MVD: variants seen among roughly 807,000 people sequenced by gnomAD.
MVD encodes diphosphomevalonate decarboxylase.
MVD carries 52 observed loss-of-function variants against 42.4 expected under a neutral mutation model. That is an observed-to-expected ratio of 1.23 (90% CI 0.98 to 1.55). The LOEUF is 1.55. Among genes scored for constraint, MVD ranks in the 40% most tolerant of loss-of-function variants. The pLI is 0.00. For missense variants in MVD, 663 were observed against 572.1 expected, an observed-to-expected ratio of 1.16 and a Z score of -1.62; for synonymous variants, 287 against 243.2, an observed-to-expected ratio of 1.18 and a Z score of -1.68.
intron 7 of MVD, 164 bp from the exon 8 acceptor site, chr16:88,654,971 G>T: frequency 1.2e-6 from 1 of 844,346 alleles, no homozygotes; most frequent in Non-Finnish European, 1.8e-6. Flanking sequence ...TACTTGACAC[G>T]TCTGCCTGTG....
At chr16:88,657,406 G>T in intron 4 of MVD, 30 bp downstream of exon 4, 4 of 1,568,602 alleles carry the variant, frequency 2.6e-6, no homozygotes, top group Non-Finnish European at 3.5e-6. Flanking sequence ...CCACAGCCCA[G>T]AACCCCTGCG....
rs200465113 is a variant in MVD at position 88,656,088 on chromosome 16, C to T, written c.603+17G>A. 125 of 1,567,454 alleles carry T rather than the reference C, an allele frequency of 8.0e-5. No homozygotes were observed. In the East Asian group the frequency reaches 2.3e-3, roughly 29 times the overall value. On this transcript the variant is annotated intron_variant, in intron 5 of 9. Coordinates refer to ENST00000301012, the MANE Select transcript of MVD (RefSeq NM_002461.3). ...GAGGCCACCGGGCTGCTGCTCCACCCGCCCCACCCCACTCACCACAAGGAT... is the reference window on the plus strand; with the variant it reads ...GAGGCCACCGGGCTGCTGCTCCACCTGCCCCACCCCACTCACCACAAGGAT...
At chr16:88,655,851 C>T in intron 5 of MVD, 121 bp from the exon 6 acceptor site, 2 of 1,255,980 alleles carry the variant, frequency 1.6e-6, no homozygotes, top group Non-Finnish European at 2.2e-6. Context: ...GTCAGTGCCA[C>T]CTGCCTGACC....
At chr16:88,662,718 T>A in intron 1 of MVD, 1 of 1,427,954 alleles carries the variant, frequency 7.0e-7, no homozygotes, top group South Asian at 1.3e-5. Flanking sequence ...TTACGATTCA[T>A]GGGAATCGAT....
chr16:88,662,957 G>A, intron 1 of MVD, 54 bp downstream of exon 1: 12 of 1,563,290 alleles, frequency 7.7e-6, no homozygotes, highest in Non-Finnish European at 1.0e-5. Context: ...CGACCCCCGC[G>A]TACCCGGCCT....
rs1000667256 is a variant in MVD at position 88,652,372 on chromosome 16, A to T, written c.*153T>A. 5 of 803,878 alleles carry T rather than the reference A, an allele frequency of 6.2e-6. No homozygotes were observed. Among genetic ancestry groups the T allele is most frequent in the Non-Finnish European group, 1.0e-5 (5 of 484,888 alleles). The allele number at this position is 803,878 out of a possible 1,614,324, so 49.8% of individuals were successfully genotyped here. A position where few individuals can be genotyped will look rare whatever the true frequency, so the allele number is the denominator to read the frequency against. On this transcript the variant is annotated 3_prime_UTR_variant, in exon 10 of 10. Coordinates refer to ENST00000301012, the MANE Select transcript of MVD (RefSeq NM_002461.3). Reference sequence around the variant, plus strand: ...CTCCTGACACCTGGGCGGCCGCAGGACTCCCTGCACTGCCCCACAGCAAGC... The same window carrying T: ...CTCCTGACACCTGGGCGGCCGCAGGTCTCCCTGCACTGCCCCACAGCAAGC...
At chr16:88,659,947 C>A (rs891611218) in intron 1 of MVD, among the ~76,000 whole-genome samples, 1 of 150,130 alleles carries the variant, frequency 6.7e-6, no homozygotes, top group Non-Finnish European at 1.5e-5. Flanking sequence ...AGCCTTACTC[C>A]AGCCTGGCAA....
In MVD at chr16:88,657,611, C is replaced by G. The variant is rs532668163; in HGVS notation, c.257-29G>C. The G allele has an allele frequency of 6.1e-5, 98 of 1,603,520 alleles. No homozygotes were observed. In the South Asian group the frequency reaches 9.7e-4, roughly 16 times the overall value. On this transcript the variant is annotated intron_variant, in intron 3 of 9. Transcript: ENST00000301012. ...CAGAGACAATGAGACAGCGTGTGGCCCAGCCGTCAGCACCCTGCCCGCCCT... is the reference window on the plus strand; with the variant it reads ...CAGAGACAATGAGACAGCGTGTGGCGCAGCCGTCAGCACCCTGCCCGCCCT...
intron 5 of MVD, 22 bp from the exon 6 acceptor site, chr16:88,655,752 T>TGGGCCACACCCTGCAG: frequency 6.4e-7 from 1 of 1,550,750 alleles, no homozygotes; most frequent in Non-Finnish European, 8.7e-7. Flanking sequence ...AGAGACAGCC[T>TGGGCCACACCCTGCAG]GGGCCACACC....
intron 1 of MVD, among the ~76,000 whole-genome samples, chr16:88,660,317 C>T (rs1908212331): frequency 6.6e-6 from 1 of 152,210 alleles, no homozygotes; most frequent in East Asian, 1.9e-4. Context: ...ACCAGAGTCT[C>T]TGAACGTTAC....
chr16:88,654,295 C>T (rs1035057371), intron 8 of MVD, among the ~76,000 whole-genome samples: 1 of 152,144 alleles, frequency 6.6e-6, no homozygotes, highest in Non-Finnish European at 1.5e-5. Context: ...CTCTAACTCG[C>T]TTCAGTAAGA....
chr16:88,655,125 C>T (rs1340162659), intron 7 of MVD, 74 bp downstream of exon 7: 6 of 1,499,586 alleles, frequency 4.0e-6, no homozygotes, highest in Admixed American at 2.0e-5. Context: ...GCCCCGGGGC[C>T]GTCTCCACGG....
chr16:88,654,379 G>A (rs1439316047), intron 8 of MVD, among the ~76,000 whole-genome samples: 1 of 152,220 alleles, frequency 6.6e-6, no homozygotes, highest in Non-Finnish European at 1.5e-5. Context: ...GTGCAGGCGT[G>A]TTTCCTAAGC....
chr16:88,661,868 ATATATATG>A (rs1908315787), intron 1 of MVD, among the ~76,000 whole-genome samples: 1 of 149,314 alleles, frequency 6.7e-6, no homozygotes, highest in South Asian at 2.1e-4. Context: ...TATATATAAT[ATATATATG>A]TATATATACA....
chr16:88,657,701 G>T, intron 3 of MVD, 119 bp from the exon 4 acceptor site: 1 of 1,448,374 alleles, frequency 6.9e-7, no homozygotes, highest in Admixed American at 2.1e-5. Flanking sequence ...ACTCCTCGTG[G>T]AGAGTTTCTT....
In MVD at chr16:88,657,499, A is replaced by G; in HGVS notation, c.340T>C (p.Ser114Pro). Residue 114 changes from serine to proline, a missense_variant, in exon 4 of 10, where the codon TCG becomes CCG. Ser to Pro is a moderately conservative substitution (Grantham distance 74). Transcript: ENST00000301012. The part of the protein sequence containing the change: ...SSLSCKVHVA[S>P]VNNFPTAAGL... ...GCAGCCGTGGGGAAGTTGTTCACCG[A>G]TGCCACGTGCACCTTGCAGCTGAGG... 2 of 1,612,782 alleles carry G rather than the reference A, an allele frequency of 1.2e-6. No individual in the cohort carries two copies. Among genetic ancestry groups the G allele is most frequent in the Non-Finnish European group, 1.7e-6 (2 of 1,179,928 alleles).
chr16:88,656,232 G>T lies in MVD; in HGVS notation c.476C>A (p.Ala159Asp). The change falls in exon 5 of 10, where the codon GCC (alanine) becomes GAC (aspartate). Residue 159 changes from alanine to aspartate, a missense_variant. Transcript: ENST00000301012. ...SEVARRGSGSACRSLYGGFVE... is the reference protein window; with the variant it reads ...SEVARRGSGSDCRSLYGGFVE... ...AAAGCCCCCATACAGGCTCCGGCAG[G>T]CGCTGCCTGAGCCCCGGCGAGCCAC... 6.2e-7 allele frequency: 1 copy of T among 1,600,232 alleles called. No individual in the cohort carries two copies.
In MVD at chr16:88,655,711, AG is replaced by A; in HGVS notation, c.622del (p.Leu208Ter). ...LILVVSAEKK[L>X]TGSTVGMRAS... ...CCGCATGCCCACGGTACTGCCTGTC[AG>A]CTTCTTCTCAGCGCTCACCTGCACG... On this transcript the variant is annotated frameshift_variant, in exon 6 of 10. Coordinates refer to ENST00000301012, the MANE Select transcript of MVD (RefSeq NM_002461.3). 2.6e-6 allele frequency: 4 copies of A among 1,559,804 alleles called. No individual in the cohort carries two copies. In the South Asian group the frequency reaches 4.7e-5, roughly 18 times the overall value.
At position 88,656,157 on chromosome 16, in the gene MVD, C is replaced by A. The variant is rs752905131; in HGVS notation, c.551G>T (p.Arg184Leu). The A allele has an allele frequency of 6.2e-7, 1 of 1,602,238 alleles. No homozygotes were observed. The highest frequency in any genetic ancestry group is 8.5e-7 in the Non-Finnish European group (1 of 1,179,926). The change falls in exon 5 of 10, where the codon CGG becomes CTG. Residue 184 changes from arginine to leucine, a missense_variant. By Grantham distance (102) the Arg-to-Leu change is moderately radical. Coordinates refer to ENST00000301012, the MANE Select transcript of MVD (RefSeq NM_002461.3). ...CCAGTGTGACTCGGGGGCCACTTGC[C>A]GAGCGATGCTGTCCTTCCCGTCGGC... ...EQADGKDSIARQVAPESHWPE... is the reference protein window; with the variant it reads ...EQADGKDSIALQVAPESHWPE...
Sources: allele counts gnomAD v4.1 joint callset (sites outside exome capture counted in the v4.1 genomes callset), GRCh38; gene constraint gnomAD v4.1.1; transcripts MANE v1.5; gene names NCBI Gene and HGNC (gene_info 2026-07-23, HGNC 2026-07-21).